The following PDE7B variants were observed in gnomAD, a reference collection of about 807,000 sequenced individuals.
The protein encoded by PDE7B is phosphodiesterase 7B, also known as 3',5'-cyclic-AMP phosphodiesterase 7B.
A neutral mutation model predicts 56.2 loss-of-function variants in PDE7B; 29 were observed. That is an observed-to-expected ratio of 0.52 (90% CI 0.38 to 0.70). The LOEUF (loss-of-function observed/expected upper bound fraction) is 0.70, where lower values mean the gene tolerates loss of function less well. PDE7B is among the 30% of genes least tolerant of loss of function. The probability of loss-of-function intolerance (pLI) is 0.00; values close to 1 mark genes in which losing one functional copy is unlikely to be tolerated. For missense variants in PDE7B, 490 were observed against 565.0 expected (o/e 0.87, Z 1.35); for synonymous variants, 197 against 196.9 (o/e 1.00, Z 0.00).
rs147251981 is a variant in PDE7B at position 136,179,064 on chromosome 6, T to C, written c.871T>C (p.Leu291=). The C allele has an allele frequency of 1.2e-6, 2 of 1,614,014 alleles. No individual in the cohort carries two copies. Among genetic ancestry groups the C allele is most frequent in the African/African-American group, 2.7e-5 (2 of 74,946 alleles). Residue 291 remains leucine (L), a synonymous_variant, in exon 10 of 13, where the codon TTG becomes CTG. Coordinates refer to ENST00000308191, the MANE Select transcript of PDE7B (RefSeq NM_018945.4). ...AGACATCAACAGGCAGAATGAATTTTTGACCAGATTGAAAGCTCACCTCCA... is the reference window on the plus strand; with the variant it reads ...AGACATCAACAGGCAGAATGAATTTCTGACCAGATTGAAAGCTCACCTCCA... The part of the protein sequence containing the change: ...ATDINRQNEF[L]TRLKAHLHNK...
chr6:136,126,258 C>A (rs1478174199), intron 3 of PDE7B, among the ~76,000 whole-genome samples: 1 of 152,160 alleles, frequency 6.6e-6, no homozygotes, highest in Admixed American at 6.5e-5. Context: ...AAGTCATGTC[C>A]ACCACTCCCT....
intron 2 of PDE7B, among the ~76,000 whole-genome samples, chr6:136,011,161 A>AAAAAC (rs756137268): frequency 3.9e-5 from 6 of 152,182 alleles, no homozygotes; most frequent in Non-Finnish European, 8.8e-5. Context: ...TCCCCATCAA[A>AAAAAC]AAAACAAAAC....
chr6:135,910,728 C>T (rs960310596), intron 1 of PDE7B, among the ~76,000 whole-genome samples: 4 of 152,104 alleles, frequency 2.6e-5, no homozygotes, highest in African/African-American at 4.8e-5. Context: ...CTTCTGTGTT[C>T]CAGCCACTCA....
At chr6:135,949,679 C>A (rs1774662647) in intron 2 of PDE7B, among the ~76,000 whole-genome samples, 1 of 152,002 alleles carries the variant, frequency 6.6e-6, no homozygotes, top group Non-Finnish European at 1.5e-5. Flanking sequence ...TTTAATTAAG[C>A]TGATACTGGT....
intron 2 of PDE7B, among the ~76,000 whole-genome samples, chr6:136,009,741 G>A (rs199906988): frequency 1.5e-4 from 23 of 152,076 alleles, no homozygotes; most frequent in Non-Finnish European, 2.8e-4. Flanking sequence ...GGGCTAAGAC[G>A]ATGGGGTTTT....
rs1210858386 is a variant in PDE7B, at chr6:136,155,753, T to C, written c.706T>C (p.Tyr236His). The change falls in exon 8 of 13, where the codon TAT becomes CAT. Residue 236 changes from tyrosine (Y) to histidine (H), a missense_variant. Coordinates refer to ENST00000308191, the MANE Select transcript of PDE7B (RefSeq NM_018945.4). ...AACTAACCACCATCTTGCAAACCTA[T>C]ATCAGGTAAGGGAGCCCAACCTGGA... ...IKTNHHLANL[Y>H]QNMSVLENHH... 3.1e-6 allele frequency: 5 copies of C among 1,613,974 alleles called. No homozygotes were observed. The highest frequency in any genetic ancestry group is 1.7e-5 in the Admixed American group (1 of 59,996).
intron 3 of PDE7B, among the ~76,000 whole-genome samples, chr6:136,112,100 A>G (rs114924277): frequency 6.6e-6 from 1 of 152,022 alleles, no homozygotes; most frequent in African/African-American, 2.4e-5. Flanking sequence ...ACCTCAGTAT[A>G]TGCATTGAAT....
chr6:136,058,372 T>C (rs1776775410), intron 2 of PDE7B, among the ~76,000 whole-genome samples: 2 of 152,236 alleles, frequency 1.3e-5, no homozygotes, highest in African/African-American at 4.8e-5. Context: ...CCCACAAATG[T>C]CCAAAGGAGG....
At chr6:135,866,094 A>C (rs1775255897) in intron 1 of PDE7B, among the ~76,000 whole-genome samples, 1 of 152,194 alleles carries the variant, frequency 6.6e-6, no homozygotes, top group Non-Finnish European at 1.5e-5. Context: ...ACTTTAAAAA[A>C]CAAAAGTAGA....
At chr6:136,146,656 G>A (rs1778417400) in intron 3 of PDE7B, among the ~76,000 whole-genome samples, 2 of 152,272 alleles carry the variant, frequency 1.3e-5, no homozygotes, top group South Asian at 2.1e-4. Flanking sequence ...CATCATACAA[G>A]TAACAGTGTG....
intron 1 of PDE7B, among the ~76,000 whole-genome samples, chr6:135,887,230 ATTTG>A (rs1456021834): frequency 6.6e-6 from 1 of 151,786 alleles, no homozygotes; most frequent in African/African-American, 2.4e-5. Context: ...CTTCTTGCTG[ATTTG>A]TTTGAGTTCC....
chr6:135,956,845 AAAG>A (rs1168366829), intron 2 of PDE7B, among the ~76,000 whole-genome samples: 1 of 151,882 alleles, frequency 6.6e-6, no homozygotes, highest in East Asian at 1.9e-4. Context: ...AGGAAGAAAG[AAAG>A]AAAGAAGAAA....
chr6:135,985,215 GA>G (rs911679032), intron 2 of PDE7B, among the ~76,000 whole-genome samples: 1 of 151,928 alleles, frequency 6.6e-6, no homozygotes, highest in African/African-American at 2.4e-5. Flanking sequence ...GCCACTGAGG[GA>G]AAAAAAACCC....
At chr6:136,146,822 G>A (rs1051456923) in intron 3 of PDE7B, among the ~76,000 whole-genome samples, 1 of 152,048 alleles carries the variant, frequency 6.6e-6, no homozygotes, top group Admixed American at 6.6e-5. Flanking sequence ...ATATTTCATG[G>A]CCTTCCAAAA....
chr6:136,009,689 C>G (rs921356637), intron 2 of PDE7B, among the ~76,000 whole-genome samples: 1 of 152,158 alleles, frequency 6.6e-6, no homozygotes, highest in African/African-American at 2.4e-5. Context: ...ATTTTGTATC[C>G]TGAGACTTTG....
At chr6:135,902,929 G>C (rs1776031831) in intron 1 of PDE7B, among the ~76,000 whole-genome samples, 1 of 152,168 alleles carries the variant, frequency 6.6e-6, no homozygotes, top group African/African-American at 2.4e-5. Flanking sequence ...TTAGGAAACA[G>C]GATGAGAGAG....
chr6:136,002,939 A>G (rs956414530), intron 2 of PDE7B, among the ~76,000 whole-genome samples: 1 of 152,064 alleles, frequency 6.6e-6, no homozygotes, highest in Non-Finnish European at 1.5e-5. Flanking sequence ...AAAATTGACC[A>G]CATACTTGGA....
At chr6:135,972,368 A>G (rs1276418135) in intron 2 of PDE7B, among the ~76,000 whole-genome samples, 2 of 151,942 alleles carry the variant, frequency 1.3e-5, no homozygotes, top group African/African-American at 2.4e-5. Context: ...CAAGTCATCC[A>G]TCTTATTTTT....
At chr6:135,948,758 C>G (rs916392116) in intron 2 of PDE7B, among the ~76,000 whole-genome samples, 7 of 151,660 alleles carry the variant, frequency 4.6e-5, no homozygotes, top group Non-Finnish European at 1.0e-4. Context: ...AGCATTGCAT[C>G]CATACACCCA....
Sources: gnomAD v4.1 joint callset for allele counts (sites outside exome capture counted in the v4.1 genomes callset) on GRCh38, gnomAD v4.1.1 for gene constraint, MANE v1.5 for transcripts, NCBI Gene and HGNC (gene_info 2026-07-23, HGNC 2026-07-21) for gene names.